Variants in NUCKS1 observed in about 807,000 individuals in gnomAD.
NUCKS1 encodes nuclear ubiquitous casein and cyclin-dependent kinase substrate 1.
In NUCKS1, 2 loss-of-function variants were observed where a neutral mutation model predicts 33.0. The observed-to-expected ratio is 0.06, with a 90% CI of 0.02 to 0.19. The LOEUF is 0.19. Among genes scored for constraint, NUCKS1 ranks in the 10% least tolerant of loss-of-function variants. The pLI is 1.00. For synonymous variants in NUCKS1, 106 were observed against 102.8 expected, an observed-to-expected ratio of 1.03 and a Z score of -0.19; for missense variants, 201 against 293.6, an observed-to-expected ratio of 0.68 and a Z score of 2.31.
chr1:205,719,700 C>T, intron 5 of NUCKS1, 24 bp from the exon 6 acceptor site: 1 of 1,602,848 alleles, frequency 6.2e-7, no homozygotes, highest in Non-Finnish European at 8.5e-7. Flanking sequence ...AGAATTTCAA[C>T]ATCTAACTTA....
chr1:205,748,862 T>C (rs182218053), intron 1 of NUCKS1, among the ~76,000 whole-genome samples: 20 of 152,338 alleles, frequency 1.3e-4, no homozygotes, highest in African/African-American at 3.8e-4. Flanking sequence ...AGAAGCCAAT[T>C]CCTTACATTA....
At chr1:205,729,970 G>A (rs1266800229) in intron 1 of NUCKS1, among the ~76,000 whole-genome samples, 3 of 149,984 alleles carry the variant, frequency 2.0e-5, no homozygotes, top group South Asian at 2.1e-4. Flanking sequence ...GTGGTGAGCC[G>A]AGATACCTCC....
intron 5 of NUCKS1, 179 bp from the exon 6 acceptor site, chr1:205,719,855 G>T: frequency 1.7e-6 from 1 of 574,286 alleles, no homozygotes. Flanking sequence ...TTGTCAAATG[G>T]ATTTTGCATG....
At chr1:205,719,836 T>C (rs2102429933) in intron 5 of NUCKS1, 160 bp from the exon 6 acceptor site, 1 of 641,518 alleles carries the variant, frequency 1.6e-6, no homozygotes, top group Non-Finnish European at 2.5e-6. Context: ...GAGTCATCAC[T>C]GGCCTCATTT....
intron 1 of NUCKS1, among the ~76,000 whole-genome samples, chr1:205,746,093 C>G (rs1654315406): frequency 6.6e-6 from 1 of 152,044 alleles, no homozygotes. Flanking sequence ...GTCAAGAGTT[C>G]GAGACCAGCC....
At chr1:205,734,756 G>A (rs1207188659) in intron 1 of NUCKS1, among the ~76,000 whole-genome samples, 6 of 152,064 alleles carry the variant, frequency 3.9e-5, no homozygotes, top group South Asian at 2.1e-4. Flanking sequence ...TTAGCCAGGC[G>A]TGGTGGCGGT....
intron 3 of NUCKS1, among the ~76,000 whole-genome samples, chr1:205,724,650 C>T (rs1405994532): frequency 2.0e-5 from 3 of 152,118 alleles, no homozygotes; most frequent in African/African-American, 7.2e-5. Flanking sequence ...GCTAGGATTG[C>T]ACCGCTGCAC....
At chr1:205,746,451 T>TCA (rs1432472190) in intron 1 of NUCKS1, among the ~76,000 whole-genome samples, 17 of 116,146 alleles carry the variant, frequency 1.5e-4, no homozygotes, top group African/African-American at 5.8e-4. Context: ...TCTCTCTCTC[T>TCA]CTCACACACA....
intron 2 of NUCKS1, 63 bp downstream of exon 2, chr1:205,729,509 A>G (rs1653857229): frequency 2.8e-6 from 3 of 1,060,228 alleles, no homozygotes; most frequent in East Asian, 4.7e-5. Flanking sequence ...TAATAAAACT[A>G]TATAAGCTGG....
In NUCKS1 at chr1:205,720,664, A is replaced by C; in HGVS notation, c.230-11T>G. The C allele has an allele frequency of 6.2e-7, 1 of 1,602,096 alleles. No individual in the cohort carries two copies. ...CATCTTCACTATCCTCTGCAATATC[A>C]GAATTACCATGATATAATGATTAAA... is the stretch of plus-strand genomic sequence containing the variant. On this transcript the variant is annotated splice_polypyrimidine_tract_variant and intron_variant, in intron 4 of 6. Coordinates refer to ENST00000367142, the MANE Select transcript of NUCKS1 (RefSeq NM_022731.5).
chr1:205,741,163 G>A (rs1571586636), intron 1 of NUCKS1, among the ~76,000 whole-genome samples: 1 of 148,824 alleles, frequency 6.7e-6, no homozygotes, highest in African/African-American at 2.4e-5. Context: ...AGCCGGGCGT[G>A]GTGGCGGGCG....
chr1:205,749,454 A>AC (rs1182802435), intron 1 of NUCKS1, among the ~76,000 whole-genome samples: 9 of 150,614 alleles, frequency 6.0e-5, no homozygotes, highest in African/African-American at 2.2e-4. Context: ...TGCCAGGAAC[A>AC]CCCCCGTCCG....
chr1:205,744,792 C>G (rs1009530445), intron 1 of NUCKS1, among the ~76,000 whole-genome samples: 1 of 152,050 alleles, frequency 6.6e-6, no homozygotes, highest in African/African-American at 2.4e-5. Flanking sequence ...GCCACCACGC[C>G]TGGCTAATTT....
chr1:205,737,798 C>T (rs780817558), intron 1 of NUCKS1, among the ~76,000 whole-genome samples: 1 of 152,130 alleles, frequency 6.6e-6, no homozygotes, highest in Non-Finnish European at 1.5e-5. Flanking sequence ...TAAAAGTATA[C>T]ATTTGTCTTA....
At chr1:205,720,682 T>A (rs370930661) in intron 4 of NUCKS1, 29 bp from the exon 5 acceptor site, 46 of 1,567,646 alleles carry the variant, frequency 2.9e-5, no homozygotes, top group South Asian at 2.0e-4. Context: ...CATGATATAA[T>A]GATTAAAGAA....
chr1:205,720,886 A>G (rs1671905771), intron 4 of NUCKS1, among the ~76,000 whole-genome samples: 1 of 152,208 alleles, frequency 6.6e-6, no homozygotes, highest in Non-Finnish European at 1.5e-5. Flanking sequence ...AGACTGGATA[A>G]AGAAAATGTG....
At position 205,717,566 on chromosome 1, in the gene NUCKS1, A is replaced by C; in HGVS notation, c.*714T>G. The C allele has an allele frequency of 1.0e-6, 1 of 984,574 alleles. No individual in the cohort carries two copies. 61.0% of individuals were successfully genotyped at this position (984,574 alleles called of 1,614,324 possible). ...GGATCACTGGCTCCGAGTCTCTTTG[A>C]GATAACAAGTGATGAAATAAAAAAG... On this transcript the variant is annotated 3_prime_UTR_variant, in exon 7 of 7. Transcript: ENST00000367142.
chr1:205,718,215 TC>T lies in NUCKS1; in HGVS notation c.*64del, dbSNP rs1171862472. ...ATCTTAAGTAGGTTCTTTTTTTTCC[TC>T]CCTCTTTTTTCTTTTTTTTTCTTTT... is the stretch of plus-strand genomic sequence containing the variant. On this transcript the variant is annotated 3_prime_UTR_variant, in exon 7 of 7. Coordinates refer to ENST00000367142, the MANE Select transcript of NUCKS1 (RefSeq NM_022731.5). 21 of 1,506,024 alleles carry T rather than the reference TC, an allele frequency of 1.4e-5. No homozygotes were observed. The highest frequency in any genetic ancestry group is 1.7e-5 in the Non-Finnish European group (19 of 1,135,922). The allele number at this position is 1,506,024 out of a possible 1,614,324, so 93.3% of individuals were successfully genotyped here.
chr1:205,724,042 T>C (rs1472296763), intron 3 of NUCKS1, 61 bp from the exon 4 acceptor site: 8 of 1,178,092 alleles, frequency 6.8e-6, no homozygotes, highest in East Asian at 2.3e-5. Flanking sequence ...TAAGTGAACA[T>C]AGATCTCTGA....
Sources: gnomAD v4.1 joint callset for allele counts (sites outside exome capture counted in the v4.1 genomes callset) on GRCh38, gnomAD v4.1.1 for gene constraint, MANE v1.5 for transcripts, NCBI Gene and HGNC (gene_info 2026-07-23, HGNC 2026-07-21) for gene names.